The following CFAP47 variants were observed in gnomAD, a reference collection of about 807,000 sequenced individuals.
CFAP47 encodes cilia- and flagella-associated protein 47.
Under a neutral mutation model 148.1 loss-of-function variants are expected in CFAP47, and 29 were observed. That is an observed-to-expected ratio of 0.20 (90% CI 0.15 to 0.27). The LOEUF is 0.27. Ranked by LOEUF, CFAP47 falls within the 10% of genes least tolerant of loss-of-function variation. The pLI is 1.00. For missense variants in CFAP47, 1,872 were observed against 1,697.5 expected (o/e 1.10, Z -1.81); for synonymous variants, 664 against 577.3 (o/e 1.15, Z -2.15).
At chrX:36,272,189 G>A in intron 49 of CFAP47, among the ~76,000 whole-genome samples, 1 of 111,971 alleles carries the variant, frequency 8.9e-6, no homozygotes, top group Admixed American at 9.5e-5. Context: ...AGATTCTGAA[G>A]CATTTCTTCA....
At chrX:36,376,462 A>T (rs180947886) in intron 62 of CFAP47, among the ~76,000 whole-genome samples, 5 of 110,790 alleles carry the variant, frequency 4.5e-5, no homozygotes, top group Admixed American at 2.9e-4. Flanking sequence ...ACTCTCCTGT[A>T]AAGTCAGAAC....
chrX:36,067,942 C>T (rs1022029380), intron 27 of CFAP47, among the ~76,000 whole-genome samples: 6 of 111,564 alleles, frequency 5.4e-5, no homozygotes, highest in African/African-American at 1.3e-4. Flanking sequence ...TGAGCCACCG[C>T]GCCTGGCCGC....
At chrX:36,223,149 G>A (rs1423726214) in intron 45 of CFAP47, among the ~76,000 whole-genome samples, 2 of 111,269 alleles carry the variant, frequency 1.8e-5, no homozygotes, top group Non-Finnish European at 3.8e-5. Context: ...GTCCTCCCCA[G>A]AAGCCAAGCA....
rs782208064 is a variant in CFAP47, at chrX:36,297,546, T to C, written c.7687-1431T>C. On this transcript the variant is annotated intron_variant, in intron 51 of 63. Coordinates refer to ENST00000378653, the MANE Select transcript of CFAP47 (RefSeq NM_001304548.2). ...ATCTTTACTACATTTGCTTCAATTA[T>C]AGCTTTTGACGTAGTGGAGATCATG... Among the ~76,000 whole-genome samples the C allele has an allele frequency of 5.4e-5, 6 of 112,047 alleles. 1 individual carries two copies. In the South Asian group the frequency reaches 2.2e-3, roughly 42 times the overall value.
chrX:35,984,351 C>G (rs1460361191), intron 15 of CFAP47, among the ~76,000 whole-genome samples: 1 of 109,738 alleles, frequency 9.1e-6, no homozygotes, highest in Admixed American at 9.7e-5. Flanking sequence ...CTCTTTTTTT[C>G]TTTCTTACTC....
intron 26 of CFAP47, among the ~76,000 whole-genome samples, chrX:36,055,307 G>C (rs1290204530): frequency 9.0e-6 from 1 of 110,723 alleles, no homozygotes; most frequent in Non-Finnish European, 1.9e-5. Flanking sequence ...TATTCCTGAA[G>C]CTTTCTCTCC....
intron 21 of CFAP47, among the ~76,000 whole-genome samples, chrX:36,008,245 C>G (rs1310333308): frequency 1.8e-5 from 2 of 111,855 alleles, no homozygotes; most frequent in African/African-American, 6.5e-5. Context: ...CACTTAGCTT[C>G]CCTTCCCTTT....
chrX:36,083,376 G>A lies in CFAP47; in HGVS notation c.4692-1938G>A, dbSNP rs778483828. 1.6e-4 allele frequency among the ~76,000 whole-genome samples: 18 copies of A among 110,069 alleles called. 1 individual carries two copies. The South Asian group carries it at 6.8e-3, about 42-fold the overall frequency. ...TATATATGCACATATATATAGCATA[G>A]CATGCTTTTCTCTTTGCAGCTTTGA... On this transcript the variant is annotated intron_variant, in intron 29 of 63. Coordinates refer to ENST00000378653, the MANE Select transcript of CFAP47 (RefSeq NM_001304548.2).
At chrX:36,382,055 G>C in intron 63 of CFAP47, among the ~76,000 whole-genome samples, 1 of 111,349 alleles carries the variant, frequency 9.0e-6, no homozygotes, top group South Asian at 3.8e-4. Context: ...TATTTCCTCA[G>C]ATGCAGATCT....
At chrX:35,958,707 A>T (rs1413531665) in intron 8 of CFAP47, among the ~76,000 whole-genome samples, 2 of 111,952 alleles carry the variant, frequency 1.8e-5, no homozygotes, top group African/African-American at 6.5e-5. Context: ...CATATCTATG[A>T]TAGGCAGAAT....
rs182799683 is a variant in CFAP47 at position 36,278,381 on chromosome X, G to A, written c.7445-2106G>A. Among the ~76,000 whole-genome samples the A allele has an allele frequency of 9.6e-3, 1,078 of 112,861 alleles. 6 individuals are homozygous for A. The highest frequency in any genetic ancestry group is 0.033 in the African/African-American group (1,024 of 31,116). On this transcript the variant is annotated intron_variant, in intron 49 of 63. Coordinates refer to ENST00000378653, the MANE Select transcript of CFAP47 (RefSeq NM_001304548.2). Reference sequence around the variant, plus strand: ...TAGCAGTGAGCAAGGCTCCGTGGGCGTGGGACCCGCCAAGCCAGTCGTGGG... The same window carrying A: ...TAGCAGTGAGCAAGGCTCCGTGGGCATGGGACCCGCCAAGCCAGTCGTGGG...
chrX:35,967,138 G>A (rs1467205115), intron 9 of CFAP47, among the ~76,000 whole-genome samples: 1 of 111,250 alleles, frequency 9.0e-6, no homozygotes, highest in Admixed American at 9.7e-5. Flanking sequence ...TGCGCTTTGA[G>A]TAGCACTGGT....
At chrX:36,125,953 C>T (rs774797392) in intron 33 of CFAP47, among the ~76,000 whole-genome samples, 46 of 111,004 alleles carry the variant, frequency 4.1e-4, no homozygotes, top group Admixed American at 1.1e-3. Flanking sequence ...TCTGTTACTA[C>T]GATTCAACCA....
At chrX:36,144,886 A>C in intron 35 of CFAP47, 1 of 952,478 alleles carries the variant, frequency 1.0e-6, no homozygotes, top group South Asian at 2.2e-5. Flanking sequence ...CGGCCTCAGA[A>C]TGGGGCCTGC....
At chrX:35,987,179 G>A (rs926262570) in intron 15 of CFAP47, among the ~76,000 whole-genome samples, 1 of 111,636 alleles carries the variant, frequency 9.0e-6, no homozygotes, top group Non-Finnish European at 1.9e-5. Context: ...AGGCAGGAAA[G>A]TTTAAGTCTG....
chrX:35,948,632 A>G (rs1192430956), intron 4 of CFAP47, among the ~76,000 whole-genome samples, 180 bp downstream of exon 4: 1 of 112,086 alleles, frequency 8.9e-6, no homozygotes. Context: ...ACTAGAGGAT[A>G]GCATATGGGT....
chrX:35,986,531 T>G (rs1936717754), intron 15 of CFAP47, among the ~76,000 whole-genome samples: 1 of 109,715 alleles, frequency 9.1e-6, no homozygotes, highest in Admixed American at 9.8e-5. Context: ...GGTTCTTAGC[T>G]TCCTTGCATT....
At position 36,236,076 on chromosome X, in the gene CFAP47, C is replaced by G. The variant is rs782629885; in HGVS notation, c.7157C>G (p.Thr2386Arg). ...TFKPIFECVI[T>R]GKLILQNEVD... is the part of the protein sequence containing the mutation. ...AAACCTATTTTTGAATGTGTCATTA[C>G]GGTATGAACTCCTTGATATTTTCCC... Residue 2386 changes from threonine (T) to arginine (R), a missense_variant and splice_region_variant, in exon 47 of 64, where the codon ACG becomes AGG. Coordinates refer to ENST00000378653, the MANE Select transcript of CFAP47 (RefSeq NM_001304548.2). 1 of 473,430 alleles carries G rather than the reference C, an allele frequency of 2.1e-6. No individual in the cohort carries two copies. Among genetic ancestry groups the G allele is most frequent in the Admixed American group, 3.4e-5 (1 of 29,413 alleles). The allele number at this position is 473,430 out of a possible 1,213,427, so 39.0% of individuals were successfully genotyped here.
intron 46 of CFAP47, among the ~76,000 whole-genome samples, chrX:36,232,538 A>G (rs1422999148): frequency 8.1e-5 from 9 of 111,283 alleles, no homozygotes; most frequent in African/African-American, 2.9e-4. Context: ...TGGTCTATCA[A>G]TTTTGTTGAT....
Sources: gnomAD v4.1 joint callset for allele counts (sites outside exome capture counted in the v4.1 genomes callset) on GRCh38, gnomAD v4.1.1 for gene constraint, MANE v1.5 for transcripts, NCBI Gene and HGNC (gene_info 2026-07-23, HGNC 2026-07-21) for gene names.